The following GLP2R variants were observed in gnomAD, a reference collection of about 807,000 sequenced individuals.
GLP2R encodes the protein glucagon like peptide 2 receptor, also known as glucagon-like peptide 2 receptor.
GLP2R carries 59 observed loss-of-function variants against 68.2 expected under a neutral mutation model. The observed-to-expected ratio is 0.87, with a 90% CI of 0.70 to 1.07. The LOEUF is 1.07. Among genes scored for constraint, GLP2R ranks in the 50% least tolerant of loss-of-function variants. GLP2R has a pLI of 0.00. For synonymous variants in GLP2R, 270 were observed against 265.4 expected (o/e 1.02, Z -0.17); for missense variants, 548 against 677.4 (o/e 0.81, Z 2.12).
chr17:9,864,294 A>G (rs2067013894), intron 9 of GLP2R, among the ~76,000 whole-genome samples: 2 of 152,160 alleles, frequency 1.3e-5, no homozygotes, highest in Admixed American at 1.3e-4. Context: ...TCCCAGGCCT[A>G]CTGAATCCGA....
In GLP2R at chr17:9,836,395, A is replaced by G. The variant is rs1448667957; in HGVS notation, c.302A>G (p.Asp101Gly). 6.2e-7 allele frequency: 1 copy of G among 1,610,378 alleles called. No individual in the cohort carries two copies. Among genetic ancestry groups the G allele is most frequent in the Admixed American group, 1.7e-5 (1 of 60,010 alleles). ...PSGIFCNGTF[D>G]QYVCWPHSSP... ...GGCATATTTTGTAACGGGACATTTGATCAGTACGTGTGTTGGCCTCATTCT... is the reference window on the plus strand; with the variant it reads ...GGCATATTTTGTAACGGGACATTTGGTCAGTACGTGTGTTGGCCTCATTCT... The change falls in exon 3 of 13, where the codon GAT (aspartate) becomes GGT (glycine). Residue 101 changes from aspartate to glycine, a missense_variant. Coordinates refer to ENST00000262441, the MANE Select transcript of GLP2R (RefSeq NM_004246.3).
intron 11 of GLP2R, among the ~76,000 whole-genome samples, chr17:9,884,472 A>G (rs1179239136): frequency 6.6e-6 from 1 of 152,186 alleles, no homozygotes; most frequent in African/African-American, 2.4e-5. Context: ...AGTGCCTCTC[A>G]GGTGCCTTGT....
chr17:9,885,740 TAAA>T (rs55859601), intron 11 of GLP2R, among the ~76,000 whole-genome samples: 40,263 of 151,108 alleles, frequency 0.27, 5,684 homozygotes, highest in Non-Finnish European at 0.31. Context: ...ATTGTATCAG[TAAA>T]AAAAGGAGTC....
chr17:9,883,594 A>G (rs1567739518), intron 11 of GLP2R, among the ~76,000 whole-genome samples: 1 of 152,244 alleles, frequency 6.6e-6, no homozygotes, highest in Non-Finnish European at 1.5e-5. Flanking sequence ...ATGAAGAGAA[A>G]ATATTGAAAG....
intron 4 of GLP2R, among the ~76,000 whole-genome samples, chr17:9,843,442 A>T (rs1488855403): frequency 6.6e-6 from 1 of 152,212 alleles, no homozygotes; most frequent in Non-Finnish European, 1.5e-5. Flanking sequence ...TTTAGTCATC[A>T]GACATCAGTT....
At chr17:9,889,338 G>A in intron 12 of GLP2R, 32 bp from the exon 13 acceptor site, 3 of 1,487,376 alleles carry the variant, frequency 2.0e-6, no homozygotes, top group Non-Finnish European at 2.8e-6. Flanking sequence ...ATGACTCCAA[G>A]ACAGTAACCT....
intron 3 of GLP2R, among the ~76,000 whole-genome samples, chr17:9,839,865 T>G (rs1417609042): frequency 6.6e-6 from 1 of 152,120 alleles, no homozygotes; most frequent in Non-Finnish European, 1.5e-5. Context: ...GCTCTGGCCA[T>G]GCTCCTCTGC....
chr17:9,865,106 A>C (rs1315269743), intron 9 of GLP2R, among the ~76,000 whole-genome samples: 4 of 151,274 alleles, frequency 2.6e-5, no homozygotes, highest in Non-Finnish European at 4.4e-5. Flanking sequence ...TCCTTCTCCT[A>C]CTCACTCTAC....
At chr17:9,879,212 G>A (rs904382255) in intron 10 of GLP2R, among the ~76,000 whole-genome samples, 2 of 150,394 alleles carry the variant, frequency 1.3e-5, no homozygotes, top group African/African-American at 2.4e-5. Flanking sequence ...TTGAGGCTAG[G>A]AGTTTGAGAC....
chr17:9,837,422 G>T (rs375552716), intron 3 of GLP2R, among the ~76,000 whole-genome samples: 2 of 152,154 alleles, frequency 1.3e-5, no homozygotes, highest in Non-Finnish European at 2.9e-5. Flanking sequence ...TGCAGTGGGG[G>T]TAAGAATGGC....
intron 1 of GLP2R, among the ~76,000 whole-genome samples, chr17:9,826,614 A>G (rs1187160330): frequency 6.6e-6 from 1 of 152,090 alleles, no homozygotes; most frequent in African/African-American, 2.4e-5. Flanking sequence ...TGTCTTCAGT[A>G]TTCTCCCAGC....
chr17:9,867,426 C>A (rs1254362239), intron 9 of GLP2R, among the ~76,000 whole-genome samples: 1 of 152,198 alleles, frequency 6.6e-6, no homozygotes, highest in Non-Finnish European at 1.5e-5. Context: ...TCAGAAATGA[C>A]CATAATGTGG....
At chr17:9,852,901 C>A in intron 4 of GLP2R, 1 of 466,612 alleles carries the variant, frequency 2.1e-6, no homozygotes, top group Non-Finnish European at 4.0e-6. Context: ...AGATTACTTT[C>A]CAGATATACT....
intron 10 of GLP2R, among the ~76,000 whole-genome samples, chr17:9,872,862 C>T (rs2067107804): frequency 1.3e-5 from 2 of 152,188 alleles, no homozygotes; most frequent in Admixed American, 6.5e-5. Context: ...GGCCACTCTA[C>T]CCTCCCTCTA....
intron 4 of GLP2R, among the ~76,000 whole-genome samples, chr17:9,850,141 AT>A (rs1226056108): frequency 1.3e-5 from 2 of 152,066 alleles, no homozygotes; most frequent in Admixed American, 1.3e-4. Context: ...CGTATCACAT[AT>A]TGGTTAGGAA....
At position 9,881,378 on chromosome 17, in the gene GLP2R, C is replaced by CTTTTTTTTTTT. The variant is rs35526930; in HGVS notation, c.1284+872_1284+882dup. On this transcript the variant is annotated intron_variant, in intron 11 of 12. Transcript: ENST00000262441. ...AGTATAAAAGCAGGAGCTGTCAGGCCTTTTTTTTTTTTTTTTTTTTGAGAC... is the reference window on the plus strand; with the variant it reads ...AGTATAAAAGCAGGAGCTGTCAGGCCTTTTTTTTTTTTTTTTTTTTTTTTTTTTTTTGAGAC... 1.9e-4 allele frequency among the ~76,000 whole-genome samples: 18 copies of CTTTTTTTTTTT among 95,650 alleles called. 1 individual carries two copies. Among genetic ancestry groups the CTTTTTTTTTTT allele is most frequent in the South Asian group, 3.3e-4 (1 of 3,054 alleles). 62.8% of individuals were successfully genotyped at this position (95,650 alleles called of 152,430 possible).
chr17:9,847,434 A>T (rs9905576), intron 4 of GLP2R, among the ~76,000 whole-genome samples: 48,304 of 151,504 alleles, frequency 0.32, 8,928 homozygotes, highest in African/African-American at 0.52. Context: ...CACACCCGGC[A>T]ATGTTTTGTA....
At chr17:9,883,427 G>A (rs1443744923) in intron 11 of GLP2R, among the ~76,000 whole-genome samples, 5 of 151,932 alleles carry the variant, frequency 3.3e-5, no homozygotes, top group African/African-American at 2.4e-5. Context: ...AGATAGAAAT[G>A]GTAGAATAAA....
In GLP2R at chr17:9,846,520, A is replaced by G. The variant is rs550617899; in HGVS notation, c.504+3904A>G. On this transcript the variant is annotated intron_variant, in intron 4 of 12. Coordinates refer to ENST00000262441, the MANE Select transcript of GLP2R (RefSeq NM_004246.3). ...GTAGTCCCAGCTACTTGGGAGGCTG[A>G]TGTGGGAGGATCACTTAAGCCCCAG... 7.2e-5 allele frequency among the ~76,000 whole-genome samples: 11 copies of G among 152,268 alleles called. No individual in the cohort carries two copies. In the South Asian group the frequency reaches 2.3e-3, roughly 32 times the overall value.
Sources: gnomAD v4.1 joint callset for allele counts (sites outside exome capture counted in the v4.1 genomes callset) on GRCh38, gnomAD v4.1.1 for gene constraint, MANE v1.5 for transcripts, NCBI Gene and HGNC (gene_info 2026-07-23, HGNC 2026-07-21) for gene names.